OR2L13: variants seen among roughly 807,000 people sequenced by gnomAD.
OR2L13 encodes the protein olfactory receptor family 2 subfamily L member 13.
Under a neutral mutation model 15.3 loss-of-function variants are expected in OR2L13, and 14 were observed. The ratio of observed to expected loss-of-function variants is 0.91; its 90% CI spans 0.60 to 1.43. OR2L13 has a LOEUF of 1.43. Among genes scored for constraint, OR2L13 ranks in the 40% most tolerant of loss-of-function variants. The probability of loss-of-function intolerance (pLI) is 0.00; values close to 1 mark genes in which losing one functional copy is unlikely to be tolerated. For synonymous variants in OR2L13, 152 were observed against 142.9 expected, an observed-to-expected ratio of 1.06 and a Z score of -0.45; for missense variants, 367 against 387.9, an observed-to-expected ratio of 0.95 and a Z score of 0.45.
the OR2L13 span, among the ~76,000 whole-genome samples, chr1:248,047,430 A>G: frequency 7.2e-5 from 11 of 152,324 alleles, no homozygotes; most frequent in East Asian, 1.9e-3. Context: ...AAGTAAAGGT[A>G]CAACGAGAAT....
At chr1:248,002,514 A>G in the OR2L13 span, among the ~76,000 whole-genome samples, 4,266 of 152,302 alleles carry the variant, frequency 0.028, 165 homozygotes, top group African/African-American at 0.098. Flanking sequence ...AGCATAATGT[A>G]TTCAAGCTTC....
chr1:247,992,571 A>G, the OR2L13 span, among the ~76,000 whole-genome samples: 2 of 152,092 alleles, frequency 1.3e-5, no homozygotes, highest in African/African-American at 4.8e-5. Flanking sequence ...CACCATATTT[A>G]TGTCCATGTG....
At chr1:248,061,766 G>T in the OR2L13 span, 2 of 700,270 alleles carry the variant, frequency 2.9e-6, no homozygotes, top group South Asian at 4.9e-5. Context: ...GGACAAAATT[G>T]TTTTACATAT....
exon 3 of OR2L13, chr1:248,100,089 C>T (rs1423646741): frequency 6.2e-7 from 1 of 1,613,824 alleles, no homozygotes; most frequent in East Asian, 2.2e-5. Context: ...AGGCCTTCAC[C>T]ACCATTTCAA....
exon 3 of OR2L13, chr1:248,100,950 C>T (rs1356894819): frequency 1.3e-5 from 2 of 157,178 alleles, no homozygotes; most frequent in Non-Finnish European, 2.9e-5. Flanking sequence ...TATCTGTTGG[C>T]TCATTTTTAG....
chr1:248,060,669 A>T, the OR2L13 span: 1 of 1,598,698 alleles, frequency 6.3e-7, no homozygotes. Flanking sequence ...AGGAAAGAGC[A>T]CACGAATGCC....
chr1:248,021,859 C>G, the OR2L13 span: 7 of 1,046,140 alleles, frequency 6.7e-6, no homozygotes, highest in Non-Finnish European at 1.0e-5. Context: ...CACTGGAGGC[C>G]TTGGAATGCA....
chr1:247,964,627 A>G, the OR2L13 span, among the ~76,000 whole-genome samples: 1 of 151,974 alleles, frequency 6.6e-6, no homozygotes, highest in Non-Finnish European at 1.5e-5. Flanking sequence ...ACTCTATTTT[A>G]TATTAACATA....
chr1:248,011,251 C>A, the OR2L13 span, among the ~76,000 whole-genome samples: 61 of 152,180 alleles, frequency 4.0e-4, 1 homozygote, highest in East Asian at 1.9e-4. Context: ...TTTGAAAATT[C>A]TTTTCTTTAA....
chr1:247,937,362 C>G, the OR2L13 span: 1 of 155,164 alleles, frequency 6.4e-6, no homozygotes, highest in East Asian at 1.9e-4. Flanking sequence ...GGAAGGGCAG[C>G]TGGGCACGCC....
At chr1:248,016,354 T>C in the OR2L13 span, among the ~76,000 whole-genome samples, 1 of 152,170 alleles carries the variant, frequency 6.6e-6, no homozygotes, top group East Asian at 1.9e-4. Flanking sequence ...ACTTTTATGT[T>C]GGGAACATGG....
the OR2L13 span, among the ~76,000 whole-genome samples, chr1:248,067,385 G>A: frequency 6.6e-6 from 1 of 152,148 alleles, no homozygotes; most frequent in African/African-American, 2.4e-5. Context: ...TTCCTAGATA[G>A]TTGCATGTTT....
chr1:247,979,007 G>A, the OR2L13 span, among the ~76,000 whole-genome samples: 2 of 152,064 alleles, frequency 1.3e-5, no homozygotes, highest in African/African-American at 2.4e-5. Flanking sequence ...GTAGTCTTGA[G>A]TCATGACCTA....
chr1:248,061,274 T>G, the OR2L13 span: 1 of 1,605,344 alleles, frequency 6.2e-7, no homozygotes, highest in Non-Finnish European at 8.5e-7. Context: ...GAGGGCACAG[T>G]GTTTTTGAGC....
the OR2L13 span, among the ~76,000 whole-genome samples, chr1:247,995,717 ATTTATTTTTTG>A: frequency 6.6e-6 from 1 of 150,922 alleles, no homozygotes; most frequent in African/African-American, 2.5e-5. Flanking sequence ...TTCCTCTAGC[ATTTATTTTTTG>A]TTTATTTATT....
the OR2L13 span, among the ~76,000 whole-genome samples, chr1:248,088,932 T>C: frequency 5.3e-5 from 8 of 152,166 alleles, no homozygotes; most frequent in Admixed American, 3.9e-4. Flanking sequence ...CCAATACCGC[T>C]TCTCCAACTC....
At chr1:247,949,971 C>G in the OR2L13 span, among the ~76,000 whole-genome samples, 1 of 151,602 alleles carries the variant, frequency 6.6e-6, no homozygotes, top group Non-Finnish European at 1.5e-5. Context: ...TCTAAGAAAC[C>G]TTTTTTCTTG....
At chr1:248,067,762 G>A in the OR2L13 span, among the ~76,000 whole-genome samples, 5 of 152,192 alleles carry the variant, frequency 3.3e-5, no homozygotes, top group Non-Finnish European at 4.4e-5. Flanking sequence ...GGTGACAGAC[G>A]GCACCTGGAA....
chr1:248,066,741 C>T, the OR2L13 span, among the ~76,000 whole-genome samples: 3 of 152,178 alleles, frequency 2.0e-5, no homozygotes, highest in African/African-American at 7.2e-5. Flanking sequence ...TTTAAGGAAA[C>T]TTAAAATTTC....
Sources: allele counts gnomAD v4.1 joint callset (sites outside exome capture counted in the v4.1 genomes callset), GRCh38; gene constraint gnomAD v4.1.1; transcripts MANE v1.5; gene names NCBI Gene and HGNC (gene_info 2026-07-23, HGNC 2026-07-21).